Variants in DLG2 observed in about 807,000 individuals in gnomAD.
DLG2 encodes discs large MAGUK scaffold protein 2, also known as disks large homolog 2.
Under a neutral mutation model 132.5 loss-of-function variants are expected in DLG2, and 45 were observed. The ratio of observed to expected loss-of-function variants is 0.34; its 90% CI spans 0.27 to 0.44. DLG2 has a LOEUF of 0.44. Among genes scored for constraint, DLG2 ranks in the 20% least tolerant of loss-of-function variants. The pLI is 1.00. For synonymous variants in DLG2, 424 were observed against 419.6 expected (o/e 1.01, Z -0.13); for missense variants, 1,045 against 1,196.9 (o/e 0.87, Z 1.87).
intron 6 of DLG2, among the ~76,000 whole-genome samples, chr11:84,816,629 A>G (rs753495820): frequency 2.1e-4 from 32 of 151,994 alleles, no homozygotes; most frequent in South Asian, 6.2e-4. Context: ...GCCCTGCAAG[A>G]AAGCTGTTAT....
At chr11:83,831,252 G>A (rs1446060005) in intron 17 of DLG2, among the ~76,000 whole-genome samples, 1 of 152,176 alleles carries the variant, frequency 6.6e-6, no homozygotes, top group Non-Finnish European at 1.5e-5. Flanking sequence ...TACATATCAT[G>A]AAAGTATTGA....
intron 3 of DLG2, among the ~76,000 whole-genome samples, chr11:85,534,749 T>C (rs1267540685): frequency 6.6e-6 from 1 of 152,240 alleles, no homozygotes; most frequent in Non-Finnish European, 1.5e-5. Context: ...TTGATGAGCA[T>C]CTAGCTTGGC....
chr11:85,023,483 C>G (rs2060251159), intron 6 of DLG2, among the ~76,000 whole-genome samples: 1 of 151,990 alleles, frequency 6.6e-6, no homozygotes, highest in Admixed American at 6.6e-5. Context: ...AAATTAATAA[C>G]TTTGTCTACT....
intron 3 of DLG2, among the ~76,000 whole-genome samples, chr11:85,437,610 C>T (rs2091559007): frequency 6.6e-6 from 1 of 152,076 alleles, no homozygotes; most frequent in Non-Finnish European, 1.5e-5. Flanking sequence ...ATTTTACAAA[C>T]TCTATTCAAT....
chr11:84,123,703 C>T (rs569911475), intron 9 of DLG2, among the ~76,000 whole-genome samples: 108 of 152,302 alleles, frequency 7.1e-4, no homozygotes, highest in African/African-American at 2.5e-3. Context: ...TAACCAATCC[C>T]TTAACCATTT....
At chr11:84,043,557 C>T (rs1360710444) in intron 11 of DLG2, among the ~76,000 whole-genome samples, 1 of 151,592 alleles carries the variant, frequency 6.6e-6, no homozygotes, top group Admixed American at 6.6e-5. Context: ...TCAAGTAGGC[C>T]CCAGTGTATG....
At chr11:83,494,679 G>A (rs1420226778) in intron 21 of DLG2, among the ~76,000 whole-genome samples, 2 of 151,744 alleles carry the variant, frequency 1.3e-5, no homozygotes, top group African/African-American at 4.8e-5. Flanking sequence ...CCTTAGTGAT[G>A]AGGTGAGAAC....
At chr11:84,545,809 G>A (rs1023091639) in intron 6 of DLG2, 2 of 151,764 alleles carry the variant, frequency 1.3e-5, no homozygotes, top group Non-Finnish European at 1.3e-5. Context: ...AGGCTGGAGT[G>A]AAGTGGTGCA....
At chr11:84,914,134 A>C (rs1234440937) in intron 6 of DLG2, among the ~76,000 whole-genome samples, 1 of 152,232 alleles carries the variant, frequency 6.6e-6, no homozygotes, top group African/African-American at 2.4e-5. Flanking sequence ...TAAATTTAAA[A>C]ACTCAAAATA....
chr11:83,459,109 G>A lies in DLG2; in HGVS notation c.*709C>T, dbSNP rs1162264898. 1 of 152,390 alleles carries A rather than the reference G, an allele frequency of 6.6e-6. No individual in the cohort carries two copies. The highest frequency in any genetic ancestry group is 2.4e-5 in the African/African-American group (1 of 41,330). The allele number at this position is 152,390 out of a possible 1,614,324, so 9.4% of individuals were successfully genotyped here. On this transcript the variant is annotated 3_prime_UTR_variant, in exon 28 of 28. Transcript: ENST00000376104. ...TCTATACATTTAATATATTTTTATTGTATAAATTATTCTCATCTTTAGTGC... is the reference window on the plus strand; with the variant it reads ...TCTATACATTTAATATATTTTTATTATATAAATTATTCTCATCTTTAGTGC...
At chr11:84,099,626 CAATAG>C (rs1269680146) in intron 9 of DLG2, among the ~76,000 whole-genome samples, 5 of 151,096 alleles carry the variant, frequency 3.3e-5, no homozygotes, top group African/African-American at 1.2e-4. Context: ...TTTGCAATAG[CAATAG>C]AAAAGGCATG....
chr11:84,257,450 C>T (rs1227039825), intron 7 of DLG2, among the ~76,000 whole-genome samples: 1 of 152,132 alleles, frequency 6.6e-6, no homozygotes, highest in Non-Finnish European at 1.5e-5. Flanking sequence ...AGTGTATGTA[C>T]TTATATAGCA....
At chr11:84,572,688 C>T (rs886659856) in intron 6 of DLG2, among the ~76,000 whole-genome samples, 11 of 152,096 alleles carry the variant, frequency 7.2e-5, no homozygotes, top group African/African-American at 2.7e-4. Flanking sequence ...CATACTTTGC[C>T]TGAGCCGTTT....
chr11:84,989,158 C>T (rs745964607), intron 6 of DLG2, among the ~76,000 whole-genome samples: 1 of 152,100 alleles, frequency 6.6e-6, no homozygotes, highest in Admixed American at 6.6e-5. Flanking sequence ...AAAGACTACA[C>T]ACACAAATGA....
chr11:84,602,483 A>G (rs539091961), intron 6 of DLG2, among the ~76,000 whole-genome samples: 5 of 152,048 alleles, frequency 3.3e-5, no homozygotes, highest in Non-Finnish European at 4.4e-5. Context: ...AAGAGACAAA[A>G]GCTTGAGTAG....
intron 15 of DLG2, among the ~76,000 whole-genome samples, chr11:83,890,288 C>G (rs573754134): frequency 6.6e-6 from 1 of 152,096 alleles, no homozygotes; most frequent in East Asian, 1.9e-4. Context: ...GAATAACACA[C>G]TCTGATTTTT....
intron 7 of DLG2, among the ~76,000 whole-genome samples, chr11:84,501,600 G>T (rs1325397744): frequency 1.3e-5 from 2 of 151,988 alleles, no homozygotes; most frequent in African/African-American, 4.8e-5. Context: ...ACCCATTATG[G>T]AATTAGAATA....
intron 3 of DLG2, among the ~76,000 whole-genome samples, chr11:85,426,686 G>A (rs1288704229): frequency 6.6e-6 from 1 of 152,132 alleles, no homozygotes; most frequent in Non-Finnish European, 1.5e-5. Flanking sequence ...AAAAAACAGA[G>A]CAGAAAAACT....
At chr11:85,238,336 T>C (rs2075704704) in intron 4 of DLG2, among the ~76,000 whole-genome samples, 1 of 151,538 alleles carries the variant, frequency 6.6e-6, no homozygotes, top group Non-Finnish European at 1.5e-5. Flanking sequence ...CTCTCCCTCC[T>C]GGGTTCAAGC....
Sources: allele counts gnomAD v4.1 joint callset (sites outside exome capture counted in the v4.1 genomes callset), GRCh38; gene constraint gnomAD v4.1.1; transcripts MANE v1.5; gene names NCBI Gene and HGNC (gene_info 2026-07-23, HGNC 2026-07-21).